The following KRT7 variants were observed in gnomAD, a reference collection of about 807,000 sequenced individuals.
KRT7 encodes keratin, type II cytoskeletal 7.
Under a neutral mutation model 42.8 loss-of-function variants are expected in KRT7, and 50 were observed. That is an observed-to-expected ratio of 1.17 (90% CI 0.93 to 1.48). KRT7 has a LOEUF of 1.48. Among genes scored for constraint, KRT7 ranks in the 40% most tolerant of loss-of-function variants. KRT7 has a pLI of 0.00. For missense variants in KRT7, 588 were observed against 637.6 expected, an observed-to-expected ratio of 0.92 and a Z score of 0.84; for synonymous variants, 268 against 266.3, an observed-to-expected ratio of 1.01 and a Z score of -0.06.
At chr12:52,253,297 G>T, downstream of KRT7, 1 of 1,612,788 alleles carries the variant, frequency 6.2e-7, no homozygotes, top group Non-Finnish European at 8.5e-7. Flanking sequence ...TGCGGCGCAG[G>T]GTCTCCCCGT....
Position 52,233,621 on chromosome 12 carries a change from G to C in KRT7, c.324+1G>C. ...CAAGTTTGCCTCCTTCATCGACAAG[G>C]TGAGCGGGACTGGACCTCGCCTCTC... On this transcript the variant is annotated splice_donor_variant, in intron 1 of 8. Coordinates refer to ENST00000331817, the MANE Select transcript of KRT7 (RefSeq NM_005556.4). LOFTEE classifies it high-confidence loss of function. The C allele has an allele frequency of 6.2e-7, 1 of 1,612,334 alleles. No individual in the cohort carries two copies. Among genetic ancestry groups the C allele is most frequent in the South Asian group, 1.1e-5 (1 of 91,002 alleles).
intron 2 of KRT7, 28 bp downstream of exon 2, chr12:52,235,394 AC>A (rs752562349): frequency 6.4e-7 from 1 of 1,569,038 alleles, no homozygotes; most frequent in East Asian, 2.3e-5. Flanking sequence ...ACATGCGAAG[AC>A]CCCTGCCCCG....
chr12:52,248,726 C>T lies in KRT7; in HGVS notation c.1376C>T (p.Thr459Ile), dbSNP rs1253632801. ...CTCCTGAAGGCTTATTCCATCCGGA[C>T]CGCATCCGCCAGTCGCAGGAGTGCC... ...PGLLKAYSIR[T>I]ASASRRSARD is the part of the protein sequence containing the mutation. The change falls in exon 9 of 9, where the codon ACC becomes ATC. Residue 459 changes from threonine (T) to isoleucine (I), a missense_variant. Coordinates refer to ENST00000331817, the MANE Select transcript of KRT7 (RefSeq NM_005556.4). 1 of 1,598,804 alleles carries T rather than the reference C, an allele frequency of 6.3e-7. No individual in the cohort carries two copies. Among genetic ancestry groups the T allele is most frequent in the East Asian group, 2.3e-5 (1 of 44,300 alleles).
At chr12:52,250,578 A>ACCGG, downstream of KRT7, 3 of 1,262,390 alleles carry the variant, frequency 2.4e-6, no homozygotes. Flanking sequence ...GCTGCCCGTC[A>ACCGG]CCGGCCGGGA....
chr12:52,251,860 A>C, downstream of KRT7: 1 of 378,516 alleles, frequency 2.6e-6, no homozygotes, highest in Non-Finnish European at 5.1e-6. Context: ...TCCTTCAAGT[A>C]TTGCCTTTGG....
intron 6 of KRT7, chr12:52,244,742 C>T: frequency 2.9e-6 from 2 of 694,038 alleles, no homozygotes; most frequent in Non-Finnish European, 3.5e-6. Flanking sequence ...ACTCTAAGGC[C>T]AGGGAGAAAG....
intron 7 of KRT7, chr12:52,245,845 C>A: frequency 1.6e-6 from 1 of 626,548 alleles, no homozygotes; most frequent in Non-Finnish European, 2.7e-6. Context: ...GCTCAGTGGG[C>A]AGGTTGAAAT....
intron 8 of KRT7, 129 bp from the exon 9 acceptor site, chr12:52,248,462 T>C: frequency 9.8e-7 from 1 of 1,015,370 alleles, no homozygotes; most frequent in Non-Finnish European, 1.4e-6. Flanking sequence ...TCCTTCTGGG[T>C]TGGCCCATGG....
At chr12:52,251,627 A>G, downstream of KRT7, 1 of 238,072 alleles carries the variant, frequency 4.2e-6, no homozygotes, top group South Asian at 5.9e-5. Flanking sequence ...AGCTAAACCT[A>G]GGAAAGTAGA....
downstream of KRT7, among the ~76,000 whole-genome samples, chr12:52,254,043 A>G (rs1016823683): frequency 1.3e-5 from 2 of 152,172 alleles, no homozygotes; most frequent in Non-Finnish European, 2.9e-5. Context: ...GTCTAGGACC[A>G]GAGTTTACCA....
chr12:52,248,145 A>AGCC, intron 7 of KRT7, 32 bp from the exon 8 acceptor site: 1 of 1,611,622 alleles, frequency 6.2e-7, no homozygotes, highest in Non-Finnish European at 8.5e-7. Context: ...GCTAGGAAAG[A>AGCC]GCCGTCCTCA....
At chr12:52,234,129 G>C (rs1173554452) in intron 1 of KRT7, among the ~76,000 whole-genome samples, 1 of 145,378 alleles carries the variant, frequency 6.9e-6, no homozygotes, top group Non-Finnish European at 1.5e-5. Context: ...GGCGGGGGAG[G>C]GGGGGGGGCT....
downstream of KRT7, chr12:52,252,406 G>C (rs770244696): frequency 6.2e-7 from 1 of 1,614,176 alleles, no homozygotes. Flanking sequence ...AGCTCGGCCA[G>C]CTTGCAGCGG....
downstream of KRT7, chr12:52,253,173 A>G (rs778460927): frequency 1.3e-6 from 2 of 1,570,364 alleles, no homozygotes; most frequent in Non-Finnish European, 1.8e-6. Flanking sequence ...GGCTAACCCC[A>G]CTCTCTTCCT....
chr12:52,244,763 T>C (rs1336612364), intron 6 of KRT7, among the ~76,000 whole-genome samples: 2 of 152,052 alleles, frequency 1.3e-5, no homozygotes, highest in African/African-American at 4.8e-5. Context: ...TGGCAGCTGC[T>C]CCAGGCAGGC....
Position 52,233,349 on chromosome 12 carries a change from C to T in KRT7, c.53C>T (p.Ser18Leu), listed in dbSNP as rs1479210832. ...TTCACCTCGCGCTCAGCCGCCTTCT[C>T]GGGCCGCGGCGCCCAGGTGCGCCTG... is the stretch of plus-strand genomic sequence containing the variant. ...PVFTSRSAAF[S>L]GRGAQVRLSS... The change falls in exon 1 of 9, where the codon TCG (serine) becomes TTG (leucine). Residue 18 changes from serine to leucine, a missense_variant. Ser to Leu is a moderately radical substitution (Grantham distance 145). Transcript: ENST00000331817. 3.2e-6 allele frequency: 5 copies of T among 1,571,548 alleles called. No individual in the cohort carries two copies. Among genetic ancestry groups the T allele is most frequent in the South Asian group, 1.2e-5 (1 of 86,426 alleles).
intron 6 of KRT7, among the ~76,000 whole-genome samples, chr12:52,244,106 G>A (rs1340454014): frequency 2.0e-5 from 3 of 152,106 alleles, no homozygotes; most frequent in African/African-American, 7.3e-5. Context: ...GGGCACACAT[G>A]TGGAAGCTTC....
downstream of KRT7, chr12:52,253,324 C>T (rs1418523948): frequency 6.2e-7 from 1 of 1,612,914 alleles, no homozygotes; most frequent in Non-Finnish European, 8.5e-7. Context: ...TCACCGTGGC[C>T]TTCATCTCCT....
chr12:52,253,393 G>A, downstream of KRT7: 1 of 1,597,804 alleles, frequency 6.3e-7, no homozygotes, highest in Non-Finnish European at 8.6e-7. Context: ...ATCCATTCAG[G>A]ACACCACGGA....
Sources: gnomAD v4.1 joint callset for allele counts (sites outside exome capture counted in the v4.1 genomes callset) on GRCh38, gnomAD v4.1.1 for gene constraint, MANE v1.5 for transcripts, NCBI Gene and HGNC (gene_info 2026-07-23, HGNC 2026-07-21) for gene names.